The following XIRP2 variants were observed in gnomAD, a reference collection of about 807,000 sequenced individuals.
The protein encoded by XIRP2 is xin actin-binding repeat-containing protein 2.
XIRP2 carries 236 observed loss-of-function variants against 277.0 expected under a neutral mutation model. That is an observed-to-expected ratio of 0.85 (90% CI 0.77 to 0.95). The LOEUF (loss-of-function observed/expected upper bound fraction) is 0.95. Ranked by LOEUF, XIRP2 falls within the 40% of genes least tolerant of loss-of-function variation. The probability of loss-of-function intolerance (pLI) is 0.00; values close to 1 mark genes in which losing one functional copy is unlikely to be tolerated. For synonymous variants in XIRP2, 1,490 were observed against 1,416.5 expected, an observed-to-expected ratio of 1.05 and a Z score of -1.17; for missense variants, 4,640 against 4,157.5, an observed-to-expected ratio of 1.12 and a Z score of -3.19.
intron 3 of XIRP2, among the ~76,000 whole-genome samples, chr2:167,183,940 AT>A (rs1559011190): frequency 6.6e-6 from 1 of 152,080 alleles, no homozygotes; most frequent in Non-Finnish European, 1.5e-5. Flanking sequence ...TTATTTATTT[AT>A]TTTTTTGAGA....
At chr2:166,976,907 A>G (rs1308314742) in intron 2 of XIRP2, among the ~76,000 whole-genome samples, 1 of 152,188 alleles carries the variant, frequency 6.6e-6, no homozygotes, top group African/African-American at 2.4e-5. Flanking sequence ...AGTCTATGGC[A>G]ATGAATTATC....
chr2:167,251,320 CAG>C lies in XIRP2; in HGVS notation c.9932_9933del (p.Arg3311IlefsTer2), dbSNP rs1559045742. 2.7e-5 allele frequency: 43 copies of C among 1,613,566 alleles called. No homozygotes were observed. The highest frequency in any genetic ancestry group is 3.6e-5 in the Non-Finnish European group (42 of 1,179,704). ...GCCTCCTCGCCTGTCAGAGCACACA[CAG>C]AGATATGAAGCGGCCAACCGAACTG... is the stretch of plus-strand genomic sequence containing the variant. ...AVPPRLSEHTQRYEAANRTVQ... is the reference protein window; with the variant it reads ...AVPPRLSEHTXRYEAANRTVQ... On this transcript the variant is annotated frameshift_variant, in exon 9 of 11. Coordinates refer to ENST00000409195, the MANE Select transcript of XIRP2 (RefSeq NM_152381.6). LOFTEE classifies it high-confidence loss of function.
intron 2 of XIRP2, among the ~76,000 whole-genome samples, chr2:166,913,364 C>A (rs1006409039): frequency 6.7e-6 from 1 of 150,282 alleles, no homozygotes; most frequent in African/African-American, 2.4e-5. Context: ...GACTGCGGTG[C>A]TAGCAATGAG....
At chr2:167,031,502 A>G (rs1322997786) in intron 2 of XIRP2, among the ~76,000 whole-genome samples, 1 of 152,096 alleles carries the variant, frequency 6.6e-6, no homozygotes, top group Non-Finnish European at 1.5e-5. Flanking sequence ...TCTTTTCTTT[A>G]AGAATGTTGA....
chr2:167,056,892 G>C (rs2105544339), intron 2 of XIRP2, among the ~76,000 whole-genome samples: 1 of 152,172 alleles, frequency 6.6e-6, no homozygotes, highest in Non-Finnish European at 1.5e-5. Flanking sequence ...GGTGGAATTG[G>C]GGATAGGTTG....
chr2:167,007,691 T>A (rs574489785), intron 2 of XIRP2, among the ~76,000 whole-genome samples: 2 of 117,470 alleles, frequency 1.7e-5, no homozygotes, highest in African/African-American at 7.4e-5. Context: ...TCTCTCTCTC[T>A]CTCTCTCTCT....
At chr2:167,215,305 A>G (rs970234728) in intron 4 of XIRP2, among the ~76,000 whole-genome samples, 15 of 152,314 alleles carry the variant, frequency 9.8e-5, no homozygotes, top group African/African-American at 3.6e-4. Context: ...ATTTGATACA[A>G]TATATACCTA....
chr2:166,915,173 C>T (rs180971935), intron 2 of XIRP2, among the ~76,000 whole-genome samples: 4 of 150,534 alleles, frequency 2.7e-5, no homozygotes, highest in East Asian at 2.0e-4. Flanking sequence ...TGGTGGTGGG[C>T]GCCTGTGGTC....
chr2:167,011,736 G>T (rs911005018), intron 2 of XIRP2, among the ~76,000 whole-genome samples: 32 of 151,842 alleles, frequency 2.1e-4, no homozygotes, highest in Non-Finnish European at 3.8e-4. Flanking sequence ...ATTGATTATT[G>T]CCACAATTTC....
rs1695241918 is a variant in XIRP2, at chr2:167,245,879, A to T, written c.4487A>T (p.Asn1496Ile). Reference protein sequence around the residue: ...DVKQAVWLFENRTFDSIMEAH... With the variant: ...DVKQAVWLFEIRTFDSIMEAH... The stretch of plus-strand genomic sequence containing the variant: ...AAGCAGGCTGTGTGGCTTTTTGAAA[A>T]TCGAACTTTCGATTCTATTATGGAA... Residue 1496 changes from asparagine (N) to isoleucine (I), a missense_variant, in exon 9 of 11, where the codon AAT becomes ATT. Physicochemically the swap from Asn to Ile is moderately radical, Grantham distance 149 (BLOSUM62 -3). Coordinates refer to ENST00000409195, the MANE Select transcript of XIRP2 (RefSeq NM_152381.6). The T allele has an allele frequency of 1.2e-6, 2 of 1,613,632 alleles. No individual in the cohort carries two copies. Among genetic ancestry groups the T allele is most frequent in the Non-Finnish European group, 1.7e-6 (2 of 1,179,780 alleles).
chr2:167,252,051 C>A (rs1257589770), intron 9 of XIRP2, 104 bp downstream of exon 9: 17 of 1,471,816 alleles, frequency 1.2e-5, no homozygotes, highest in Non-Finnish European at 1.4e-5. Context: ...AACAACCAAA[C>A]AATATAACCT....
intron 2 of XIRP2, among the ~76,000 whole-genome samples, chr2:167,073,033 C>T (rs1345045401): frequency 6.6e-6 from 1 of 151,882 alleles, no homozygotes; most frequent in Non-Finnish European, 1.5e-5. Flanking sequence ...GTTTAGTGAG[C>T]TAAAACAATT....
chr2:167,204,493 T>C (rs1693804983), intron 3 of XIRP2, among the ~76,000 whole-genome samples: 1 of 152,236 alleles, frequency 6.6e-6, no homozygotes, highest in South Asian at 2.1e-4. Context: ...TTCTCAGCTC[T>C]GAAACTCACC....
intron 2 of XIRP2, among the ~76,000 whole-genome samples, chr2:167,076,168 A>G (rs1689565600): frequency 6.6e-6 from 1 of 152,076 alleles, no homozygotes; most frequent in Admixed American, 6.6e-5. Flanking sequence ...TCTAGCTTCT[A>G]TTTTTTTCTA....
chr2:166,997,457 A>T (rs1349513804), intron 2 of XIRP2, among the ~76,000 whole-genome samples: 1 of 152,232 alleles, frequency 6.6e-6, no homozygotes, highest in Non-Finnish European at 1.5e-5. Context: ...GATTCAGTGT[A>T]TCATTCACAT....
At chr2:167,217,823 T>C (rs1694300951) in intron 4 of XIRP2, among the ~76,000 whole-genome samples, 1 of 152,142 alleles carries the variant, frequency 6.6e-6, no homozygotes, top group Non-Finnish European at 1.5e-5. Flanking sequence ...TAAAATTGAG[T>C]CCATTATTCT....
At chr2:166,947,723 C>G (rs1685915377) in intron 2 of XIRP2, among the ~76,000 whole-genome samples, 1 of 152,086 alleles carries the variant, frequency 6.6e-6, no homozygotes, top group African/African-American at 2.4e-5. Flanking sequence ...TAAACATAAT[C>G]TTAGCATATG....
At chr2:167,020,091 A>C (rs1273114045) in intron 2 of XIRP2, among the ~76,000 whole-genome samples, 2 of 152,032 alleles carry the variant, frequency 1.3e-5, no homozygotes, top group Non-Finnish European at 2.9e-5. Flanking sequence ...AACTTGTTTC[A>C]ATCTAAATTA....
chr2:167,175,935 C>G (rs1442165440), intron 3 of XIRP2, among the ~76,000 whole-genome samples: 2 of 152,234 alleles, frequency 1.3e-5, no homozygotes, highest in African/African-American at 2.4e-5. Flanking sequence ...AAACCACCTA[C>G]TCAAGCCTCA....
Sources: gnomAD v4.1 joint callset for allele counts (sites outside exome capture counted in the v4.1 genomes callset) on GRCh38, gnomAD v4.1.1 for gene constraint, MANE v1.5 for transcripts, NCBI Gene and HGNC (gene_info 2026-07-23, HGNC 2026-07-21) for gene names.